The following AKNAD1 variants were observed in gnomAD, a reference collection of about 807,000 sequenced individuals.
AKNAD1 encodes protein AKNAD1.
In AKNAD1, 67 loss-of-function variants were observed where a neutral mutation model predicts 90.8. That is an observed-to-expected ratio of 0.74 (90% CI 0.61 to 0.90). The LOEUF is 0.90. AKNAD1 is among the 40% of genes least tolerant of loss of function. The pLI is 0.00. For synonymous variants in AKNAD1, 327 were observed against 341.4 expected (o/e 0.96, Z 0.46); for missense variants, 957 against 975.4 (o/e 0.98, Z 0.25).
At chr1:108,846,072 A>T (rs1361555802) in intron 5 of AKNAD1, among the ~76,000 whole-genome samples, 2 of 152,220 alleles carry the variant, frequency 1.3e-5, no homozygotes, top group Non-Finnish European at 2.9e-5. Flanking sequence ...TCTGAAAGGG[A>T]AGACATGCTG....
At chr1:108,822,129 CAGAGTT>C (rs1663833249) in intron 13 of AKNAD1, among the ~76,000 whole-genome samples, 1 of 152,024 alleles carries the variant, frequency 6.6e-6, no homozygotes, top group Admixed American at 6.6e-5. Flanking sequence ...ACTGGAAACT[CAGAGTT>C]AGAAAGCACC....
Position 108,834,913 on chromosome 1 carries a change from C to G in AKNAD1, c.1664+16G>C. The G allele has an allele frequency of 6.6e-7, 1 of 1,517,298 alleles. No individual in the cohort carries two copies. The highest frequency in any genetic ancestry group is 8.8e-7 in the Non-Finnish European group (1 of 1,140,328). 94.0% of individuals were successfully genotyped at this position (1,517,298 alleles called of 1,614,324 possible). A position where few individuals can be genotyped will look rare whatever the true frequency, so the allele number is the denominator to read the frequency against. On this transcript the variant is annotated intron_variant, in intron 8 of 15. Transcript: ENST00000370001. ...CTGTGTCCTGTGTCTGCTGGGGCTC[C>G]AGGGCTAGGACTCACGTCTGCGGGG...
chr1:108,837,538 T>C lies in AKNAD1; in HGVS notation c.1536+12A>G. ...TCCTGGCACAAAATTAGACTGTACA[T>C]TGCTGTATTACCTCATTTGAGAGTG... On this transcript the variant is annotated intron_variant, in intron 7 of 15. Coordinates refer to ENST00000370001, the MANE Select transcript of AKNAD1 (RefSeq NM_152763.5). The C allele has an allele frequency of 6.2e-7, 1 of 1,613,740 alleles. No homozygotes were observed. The highest frequency in any genetic ancestry group is 1.3e-5 in the African/African-American group (1 of 75,040).
rs558196750 is a variant in AKNAD1, at chr1:108,834,974, G to A, written c.1619C>T (p.Pro540Leu). 375 of 1,554,330 alleles carry A rather than the reference G, an allele frequency of 2.4e-4. 3 individuals carry two copies. The South Asian group carries it at 3.8e-3, about 16-fold the overall frequency. The change falls in exon 8 of 16, where the codon CCG (proline) becomes CTG (leucine). Residue 540 changes from proline (P) to leucine (L), a missense_variant. Coordinates refer to ENST00000370001, the MANE Select transcript of AKNAD1 (RefSeq NM_152763.5). ...SEVTGTPQGG[P>L]QEAPNEELCE... ...GAGCTCCTCGTTGGGGGCCTCCTGC[G>A]GCCCTCCTTGGGGTGTCCCTGTTAC...
rs764740118 is a variant in AKNAD1 at position 108,834,485 on chromosome 1, G to A, written c.1708C>T (p.Pro570Ser). 35 of 1,611,048 alleles carry A rather than the reference G, an allele frequency of 2.2e-5. No homozygotes were observed. In the East Asian group the frequency reaches 7.8e-4, roughly 36 times the overall value. Residue 570 changes from proline to serine, a missense_variant, in exon 9 of 16, where the codon CCA becomes TCA. Coordinates refer to ENST00000370001, the MANE Select transcript of AKNAD1 (RefSeq NM_152763.5). ...GACAGCCTCATGGCCACTTGGTCTG[G>A]CTTGTTCTGGGCAGCTGCATCTCCA... ...HYGDAAAQNK[P>S]DQVAMRLSSN...
At chr1:108,844,012 C>G (rs2101203509) in intron 5 of AKNAD1, among the ~76,000 whole-genome samples, 1 of 152,050 alleles carries the variant, frequency 6.6e-6, no homozygotes, top group East Asian at 1.9e-4. Context: ...TTGCATCAGG[C>G]ACAGTTCCTG....
In AKNAD1 at chr1:108,823,368, A is replaced by C. The variant is rs1204492334; in HGVS notation, c.2167+2T>G. The stretch of plus-strand genomic sequence containing the variant: ...ATGGGGTCATGCAGGAGATGTACTT[A>C]CAGGGTGAAGAGTTTTTACTTTCAT... On this transcript the variant is annotated splice_donor_variant, in intron 13 of 15. Coordinates refer to ENST00000370001, the MANE Select transcript of AKNAD1 (RefSeq NM_152763.5). LOFTEE classifies it high-confidence loss of function. 14 of 1,604,772 alleles carry C rather than the reference A, an allele frequency of 8.7e-6. No individual in the cohort carries two copies. The highest frequency in any genetic ancestry group is 1.2e-5 in the Non-Finnish European group (14 of 1,171,516).
Position 108,852,472 on chromosome 1 carries a change from C to T in AKNAD1, c.193G>A (p.Gly65Arg), listed in dbSNP as rs761028249. 3 of 1,613,616 alleles carry T rather than the reference C, an allele frequency of 1.9e-6. No individual in the cohort carries two copies. The Admixed American group carries it at 5.0e-5, about 27-fold the overall frequency. The change falls in exon 2 of 16, where the codon GGA (glycine) becomes AGA (arginine). Residue 65 changes from glycine (G) to arginine (R), a missense_variant. By Grantham distance (125) the Gly-to-Arg change is moderately radical (BLOSUM62 -2). Transcript: ENST00000370001. ...QEKAMHSETCGNTAVTIPLGK... is the reference protein window; with the variant it reads ...QEKAMHSETCRNTAVTIPLGK... ...AGGGGTATGGTCACAGCTGTATTTC[C>T]ACAAGTCTCACTATGCATAGCCTTC... is the stretch of plus-strand genomic sequence containing the variant.
At chr1:108,834,590 C>T in intron 8 of AKNAD1, 62 bp from the exon 9 acceptor site, 1 of 1,469,992 alleles carries the variant, frequency 6.8e-7, no homozygotes, top group Non-Finnish European at 9.2e-7. Flanking sequence ...TACCTGGGAG[C>T]TCCACTATTT....
intron 1 of AKNAD1, among the ~76,000 whole-genome samples, chr1:108,854,734 C>T (rs980528869): frequency 2.6e-5 from 4 of 152,164 alleles, no homozygotes; most frequent in Admixed American, 6.5e-5. Flanking sequence ...AGAAGAATTA[C>T]AGGCTATTCT....
chr1:108,849,177 T>C (rs1664783908), intron 3 of AKNAD1, 117 bp from the exon 4 acceptor site: 1 of 988,186 alleles, frequency 1.0e-6, no homozygotes, highest in Admixed American at 2.7e-5. Flanking sequence ...TAAAATTTAA[T>C]TTTTTTCAAA....
intron 13 of AKNAD1, among the ~76,000 whole-genome samples, chr1:108,821,016 G>A (rs1055725572): frequency 6.6e-6 from 1 of 152,198 alleles, no homozygotes; most frequent in Non-Finnish European, 1.5e-5. Flanking sequence ...GAGCCCAGAA[G>A]TTCAAGGAAG....
intron 6 of AKNAD1, among the ~76,000 whole-genome samples, chr1:108,839,545 C>T (rs1004508630): frequency 6.6e-6 from 1 of 150,864 alleles, no homozygotes; most frequent in African/African-American, 2.4e-5. Context: ...TAACATATTC[C>T]ACTAAATTAA....
chr1:108,827,561 T>TC lies in AKNAD1; in HGVS notation c.1839-260dup, dbSNP rs1557827752. Among the ~76,000 whole-genome samples the TC allele has an allele frequency of 9.9e-5, 15 of 151,590 alleles. 1 individual carries two copies. The South Asian group carries it at 3.2e-3, about 32-fold the overall frequency. Reference sequence around the variant, plus strand: ...CAGGCGCGGTGGCTCACGCCTGTAATCCCAGCACTTTGGGAGGCTGAGGCG... The same window carrying TC: ...CAGGCGCGGTGGCTCACGCCTGTAATCCCCAGCACTTTGGGAGGCTGAGGCG... On this transcript the variant is annotated intron_variant, in intron 10 of 15. Transcript: ENST00000370001.
intron 5 of AKNAD1, among the ~76,000 whole-genome samples, chr1:108,846,210 A>G (rs2101207708): frequency 6.6e-6 from 1 of 152,226 alleles, no homozygotes; most frequent in East Asian, 1.9e-4. Flanking sequence ...GCTTTTTTCA[A>G]GACTGAACCA....
In AKNAD1 at chr1:108,851,785, C is replaced by A. The variant is rs544559888; in HGVS notation, c.880G>T (p.Asp294Tyr). Residue 294 changes from aspartate (D) to tyrosine (Y), a missense_variant, in exon 2 of 16, where the codon GAT (aspartate) becomes TAT (tyrosine). Physicochemically the swap from Asp to Tyr is radical, Grantham distance 160. Transcript: ENST00000370001. ...KQASFSSKSR[D>Y]KPTLVQDSLE... ...CTATCTTGCACAAGAGTGGGTTTAT[C>A]TCTCGACTTGGAAGAAAAGCTGGCT... 1.2e-6 allele frequency: 2 copies of A among 1,614,174 alleles called. No homozygotes were observed. Among genetic ancestry groups the A allele is most frequent in the African/African-American group, 1.3e-5 (1 of 75,044 alleles).
intron 2 of AKNAD1, among the ~76,000 whole-genome samples, chr1:108,851,221 G>C (rs184485460): frequency 7.2e-5 from 11 of 152,274 alleles, no homozygotes; most frequent in Non-Finnish European, 7.4e-5. Flanking sequence ...GTGTGGAAAA[G>C]GTTGTGACTT....
At chr1:108,817,249 T>G in intron 14 of AKNAD1, 72 bp from the exon 15 acceptor site, 1 of 1,584,018 alleles carries the variant, frequency 6.3e-7, no homozygotes, top group Non-Finnish European at 8.6e-7. Context: ...ACGTCAGCTC[T>G]GTGGTAGGTA....
chr1:108,828,764 G>A (rs956559321), intron 10 of AKNAD1, among the ~76,000 whole-genome samples: 7 of 151,748 alleles, frequency 4.6e-5, no homozygotes, highest in African/African-American at 7.2e-5. Context: ...TGGGGCATTT[G>A]AACATCTGCT....
Sources: allele counts gnomAD v4.1 joint callset (sites outside exome capture counted in the v4.1 genomes callset), GRCh38; gene constraint gnomAD v4.1.1; transcripts MANE v1.5; gene names NCBI Gene and HGNC (gene_info 2026-07-23, HGNC 2026-07-21).